Variants in GABRB1 observed in about 807,000 individuals in gnomAD.
GABRB1 encodes the protein gamma-aminobutyric acid receptor subunit beta-1.
A neutral mutation model predicts 51.6 loss-of-function variants in GABRB1; 17 were observed. The observed-to-expected ratio is 0.33, with a 90% confidence interval of 0.23 to 0.49. The LOEUF (loss-of-function observed/expected upper bound fraction) is 0.49, where lower values mean the gene tolerates loss of function less well. Ranked by LOEUF, GABRB1 falls within the 20% of genes least tolerant of loss-of-function variation. The pLI is 0.99. For synonymous variants in GABRB1, 247 were observed against 218.9 expected (o/e 1.13, Z -1.14); for missense variants, 410 against 600.6 (o/e 0.68, Z 3.32).
intron 3 of GABRB1, among the ~76,000 whole-genome samples, chr4:47,055,779 T>A (rs1254006256): frequency 6.6e-6 from 1 of 152,192 alleles, no homozygotes; most frequent in Non-Finnish European, 1.5e-5. Context: ...TTGGGCACCT[T>A]GCGTGTTCAT....
At chr4:47,091,332 A>G (rs982369875) in intron 3 of GABRB1, among the ~76,000 whole-genome samples, 28 of 152,214 alleles carry the variant, frequency 1.8e-4, no homozygotes, top group African/African-American at 6.8e-4. Flanking sequence ...ATTTTCTGAT[A>G]TATTGGCTTT....
chr4:47,149,965 T>A (rs912669989), intron 3 of GABRB1, among the ~76,000 whole-genome samples: 1 of 151,988 alleles, frequency 6.6e-6, no homozygotes, highest in Non-Finnish European at 1.5e-5. Context: ...ATGGATATTA[T>A]GTGGCTCTGT....
At chr4:47,022,679 A>G (rs1293814210) in intron 1 of GABRB1, among the ~76,000 whole-genome samples, 1 of 152,066 alleles carries the variant, frequency 6.6e-6, no homozygotes, top group Non-Finnish European at 1.5e-5. Context: ...TGGAGAAAAG[A>G]GAACACTTGT....
intron 4 of GABRB1, among the ~76,000 whole-genome samples, chr4:47,245,766 A>G (rs868485486): frequency 6.6e-6 from 1 of 151,400 alleles, no homozygotes; most frequent in South Asian, 2.1e-4. Flanking sequence ...ATATTTTTAC[A>G]TTTGAGAGAA....
chr4:47,187,658 T>A (rs1719241866), intron 4 of GABRB1, among the ~76,000 whole-genome samples: 1 of 151,844 alleles, frequency 6.6e-6, no homozygotes, highest in African/African-American at 2.4e-5. Flanking sequence ...AGTTAAACCG[T>A]GTCACTCCTC....
intron 3 of GABRB1, among the ~76,000 whole-genome samples, chr4:47,116,993 C>A (rs992720048): frequency 6.6e-6 from 1 of 152,058 alleles, no homozygotes; most frequent in Admixed American, 6.5e-5. Context: ...GAGCAGCAAG[C>A]GGGGAAGTCC....
intron 4 of GABRB1, among the ~76,000 whole-genome samples, chr4:47,201,142 A>G (rs774641886): frequency 6.4e-4 from 97 of 152,132 alleles, no homozygotes; most frequent in Non-Finnish European, 9.0e-4. Context: ...TGAAAATGAA[A>G]ATATCCAAAC....
At chr4:47,140,405 A>G (rs1194276511) in intron 3 of GABRB1, among the ~76,000 whole-genome samples, 2 of 151,996 alleles carry the variant, frequency 1.3e-5, no homozygotes, top group African/African-American at 4.8e-5. Flanking sequence ...TATAATAGCT[A>G]GAGAAAAGAA....
chr4:47,186,663 T>C (rs943406519), intron 4 of GABRB1, among the ~76,000 whole-genome samples: 6 of 151,822 alleles, frequency 4.0e-5, no homozygotes, highest in African/African-American at 1.4e-4. Context: ...ACAATGGAAC[T>C]CAGAAATTCT....
chr4:46,996,432 G>A (rs1295647461), intron 1 of GABRB1, among the ~76,000 whole-genome samples: 1 of 152,058 alleles, frequency 6.6e-6, no homozygotes, highest in Non-Finnish European at 1.5e-5. Context: ...TAACCCAACT[G>A]CTAACGTCTT....
intron 4 of GABRB1, among the ~76,000 whole-genome samples, chr4:47,258,982 C>A (rs185870567): frequency 6.6e-6 from 1 of 152,154 alleles, no homozygotes; most frequent in Non-Finnish European, 1.5e-5. Context: ...TGCCTTGGAG[C>A]TTTAATCAAG....
intron 4 of GABRB1, among the ~76,000 whole-genome samples, chr4:47,201,969 T>A (rs924843381): frequency 6.6e-6 from 1 of 152,146 alleles, no homozygotes; most frequent in African/African-American, 2.4e-5. Flanking sequence ...CAGCCAAGTA[T>A]AAACTGTCCT....
At chr4:47,376,672 A>G (rs1468967602) in intron 5 of GABRB1, among the ~76,000 whole-genome samples, 1 of 152,166 alleles carries the variant, frequency 6.6e-6, no homozygotes, top group Admixed American at 6.5e-5. Flanking sequence ...AAAAGAAGCC[A>G]TAGATGATCT....
intron 5 of GABRB1, among the ~76,000 whole-genome samples, chr4:47,400,546 C>CTCTCTCTGTCTCTCTCTT (rs1553882300): frequency 6.6e-6 from 1 of 150,742 alleles, no homozygotes; most frequent in African/African-American, 2.5e-5. Context: ...CTCTCTCTCT[C>CTCTCTCTGTCTCTCTCTT]TCTCTCTCAG....
At chr4:47,031,762 C>G in intron 1 of GABRB1, 31 bp downstream of exon 1, 1 of 1,572,910 alleles carries the variant, frequency 6.4e-7, no homozygotes, top group Non-Finnish European at 8.8e-7. Context: ...CTCGCTCTCT[C>G]TCTCTCTCTC....
chr4:47,058,131 G>A (rs1726697963), intron 3 of GABRB1, among the ~76,000 whole-genome samples: 1 of 152,166 alleles, frequency 6.6e-6, no homozygotes, highest in African/African-American at 2.4e-5. Context: ...TATATAGCCT[G>A]TGAGGTTAAA....
intron 4 of GABRB1, among the ~76,000 whole-genome samples, chr4:47,167,185 T>C (rs1718226580): frequency 6.6e-6 from 1 of 152,162 alleles, no homozygotes; most frequent in Admixed American, 6.6e-5. Flanking sequence ...CAACATTTTC[T>C]ATATCTACAT....
At chr4:46,998,929 T>A (rs1327830776) in intron 1 of GABRB1, among the ~76,000 whole-genome samples, 1 of 152,002 alleles carries the variant, frequency 6.6e-6, no homozygotes, top group Non-Finnish European at 1.5e-5. Flanking sequence ...GAGCAGTGAT[T>A]GTGTGTGTGA....
In GABRB1 at chr4:47,382,579, A is replaced by G. The variant is rs1294265093; in HGVS notation, c.545-20739A>G. Among the ~76,000 whole-genome samples the G allele has an allele frequency of 2.6e-5, 4 of 152,182 alleles. No homozygotes were observed. The South Asian group carries it at 8.3e-4, about 32-fold the overall frequency. On this transcript the variant is annotated intron_variant, in intron 5 of 8. Coordinates refer to ENST00000295454, the MANE Select transcript of GABRB1 (RefSeq NM_000812.4). ...TATTGGCCCCATTTCCACAGAGAGAAACTTGGAAGCATTCAGCCTTCCCAA... is the reference window on the plus strand; with the variant it reads ...TATTGGCCCCATTTCCACAGAGAGAGACTTGGAAGCATTCAGCCTTCCCAA...
Sources: allele counts gnomAD v4.1 joint callset (sites outside exome capture counted in the v4.1 genomes callset), GRCh38; gene constraint gnomAD v4.1.1; transcripts MANE v1.5; gene names NCBI Gene and HGNC (gene_info 2026-07-23, HGNC 2026-07-21).